Variants in GJC1 observed in about 807,000 individuals in gnomAD.
The protein encoded by GJC1 is gap junction protein gamma 1.
A neutral mutation model predicts 29.3 loss-of-function variants in GJC1; 5 were observed. The observed-to-expected ratio is 0.17, with a 90% CI of 0.09 to 0.36. The LOEUF (loss-of-function observed/expected upper bound fraction) is 0.36. Ranked by LOEUF, GJC1 falls within the 10% of genes least tolerant of loss-of-function variation. The pLI, the probability that GJC1 is intolerant of heterozygous loss-of-function variation, is 1.00. For synonymous variants in GJC1, 177 were observed against 183.3 expected (o/e 0.97, Z 0.28); for missense variants, 310 against 496.2 (o/e 0.62, Z 3.56).
chr17:44,806,124 T>C (rs2049910224), intron 2 of GJC1, among the ~76,000 whole-genome samples: 1 of 151,966 alleles, frequency 6.6e-6, no homozygotes, highest in Non-Finnish European at 1.5e-5. Flanking sequence ...AATACAAAAA[T>C]TACCCGGGCA....
At chr17:44,795,003 A>C (rs1216683940), downstream of GJC1, 3 of 152,150 alleles carry the variant, frequency 2.0e-5, no homozygotes, top group Admixed American at 2.0e-4. Context: ...CGGGAGAAAA[A>C]GTCAATTGAC....
intron 1 of GJC1, among the ~76,000 whole-genome samples, chr17:44,823,991 C>A (rs191177951): frequency 6.7e-6 from 1 of 149,728 alleles, no homozygotes; most frequent in Non-Finnish European, 1.5e-5. Flanking sequence ...GATTACAAGG[C>A]GTGAGTCACT....
At chr17:44,824,093 C>T in intron 1 of GJC1, among the ~76,000 whole-genome samples, 1 of 151,070 alleles carries the variant, frequency 6.6e-6, no homozygotes. Flanking sequence ...CTGCAACCTC[C>T]ACCTCCCGGG....
chr17:44,818,508 TA>T (rs11335815), intron 1 of GJC1, among the ~76,000 whole-genome samples: 92,768 of 144,156 alleles, frequency 0.64, 29,586 homozygotes, highest in African/African-American at 0.7. Flanking sequence ...AGTCTCATGT[TA>T]AAAAAAAAAA....
chr17:44,804,636 G>C lies in GJC1; in HGVS notation c.1182C>G (p.Val394=), dbSNP rs1012066381. The part of the protein sequence containing the change: ...SSKSGDGKTS[V]WI ...TTTAAGCCCGCCAGGATTAAATCCAGACGGAGGTCTTCCCATCCCCTGATT... is the reference window on the plus strand; with the variant it reads ...TTTAAGCCCGCCAGGATTAAATCCACACGGAGGTCTTCCCATCCCCTGATT... The change falls in exon 3 of 3, where the codon GTC becomes GTG. Residue 394 remains valine (V), a synonymous_variant. Coordinates refer to ENST00000592524, the MANE Select transcript of GJC1 (RefSeq NM_005497.4). The C allele has an allele frequency of 3.1e-6, 5 of 1,611,342 alleles. No homozygotes were observed. In the East Asian group the frequency reaches 1.1e-4, roughly 36 times the overall value.
At chr17:44,830,960 C>G, upstream of GJC1, 1 of 362,584 alleles carries the variant, frequency 2.8e-6, no homozygotes, top group Non-Finnish European at 4.9e-6. The surrounding 1 kb of genome is among the most constrained non-coding windows in gnomAD (Gnocchi z 4.3). Context: ...TTAAAATGCC[C>G]AGTAGGAAAC....
intron 2 of GJC1, among the ~76,000 whole-genome samples, chr17:44,806,682 C>T (rs1375536324): frequency 6.6e-6 from 1 of 151,978 alleles, no homozygotes; most frequent in East Asian, 1.9e-4. Context: ...AACCACCATG[C>T]CTGGCCAGAC....
chr17:44,824,875 ATT>A (rs34186851), intron 1 of GJC1, among the ~76,000 whole-genome samples: 22 of 125,844 alleles, frequency 1.7e-4, no homozygotes, highest in Non-Finnish European at 2.7e-4. Flanking sequence ...GAGTCCAACT[ATT>A]TTTTTTTTTT....
At position 44,802,825 on chromosome 17, in the gene GJC1, T is replaced by C. The variant is rs541684730; in HGVS notation, c.*1802A>G. On this transcript the variant is annotated 3_prime_UTR_variant, in exon 3 of 3. Coordinates refer to ENST00000592524, the MANE Select transcript of GJC1 (RefSeq NM_005497.4). The stretch of plus-strand genomic sequence containing the variant: ...GCCTGGGTAACATAGTGAGACCTCA[T>C]CTCTACAAAAAAAATTTTTAAAACA... 6.6e-6 allele frequency: 1 copy of C among 152,170 alleles called. No homozygotes were observed. The highest frequency in any genetic ancestry group is 1.9e-4 in the East Asian group (1 of 5,180). 9.4% of individuals were successfully genotyped at this position (152,170 alleles called of 1,614,324 possible).
At chr17:44,824,423 T>C (rs2050146290) in intron 1 of GJC1, among the ~76,000 whole-genome samples, 1 of 152,102 alleles carries the variant, frequency 6.6e-6, no homozygotes, top group African/African-American at 2.4e-5. Flanking sequence ...CTCATCCTCC[T>C]GAGTAGCTGA....
At position 44,802,144 on chromosome 17, in the gene GJC1, T is replaced by C. The variant is rs935821582; in HGVS notation, c.*2483A>G. On this transcript the variant is annotated 3_prime_UTR_variant, in exon 3 of 3. Coordinates refer to ENST00000592524, the MANE Select transcript of GJC1 (RefSeq NM_005497.4). ...TGACGCGTTATCCAGACACAAAAGA[T>C]AACATTCTCATCAAAACAGGCCAAG... The C allele has an allele frequency of 3.3e-5, 5 of 152,192 alleles. No homozygotes were observed. Among genetic ancestry groups the C allele is most frequent in the Admixed American group, 2.6e-4 (4 of 15,264 alleles). 9.4% of individuals were successfully genotyped at this position (152,192 alleles called of 1,614,324 possible).
In GJC1 at chr17:44,805,803, G is replaced by A; in HGVS notation, c.15C>T (p.Phe5=). 6.2e-7 allele frequency: 1 copy of A among 1,608,512 alleles called. No individual in the cohort carries two copies. The highest frequency in any genetic ancestry group is 8.5e-7 in the Non-Finnish European group (1 of 1,175,970). Residue 5 remains phenylalanine, a synonymous_variant, in exon 3 of 3, where the codon TTC becomes TTT. Transcript: ENST00000592524. This position sits in a 1 kb window ranked among gnomAD's most constrained non-coding sequence, Gnocchi z 5.1. ...GAATCTCCTCTAGCAGGCGAGTCAG[G>A]AAGCTCCAACTCATGGTGATTGAAT... MSWS[F]LTRLLEEIHN...
Position 44,804,616 on chromosome 17 carries a change from G to C in GJC1, c.*11C>G. On this transcript the variant is annotated 3_prime_UTR_variant, in exon 3 of 3. Transcript: ENST00000592524. ...AAACTATGAAAAGCACAGGTTTTAAGCCCGCCAGGATTAAATCCAGACGGA... is the reference window on the plus strand; with the variant it reads ...AAACTATGAAAAGCACAGGTTTTAACCCCGCCAGGATTAAATCCAGACGGA... The C allele has an allele frequency of 6.3e-7, 1 of 1,582,364 alleles. No homozygotes were observed. The highest frequency in any genetic ancestry group is 8.6e-7 in the Non-Finnish European group (1 of 1,156,312).
At chr17:44,813,539 C>T (rs1054559357) in intron 1 of GJC1, among the ~76,000 whole-genome samples, 1 of 131,588 alleles carries the variant, frequency 7.6e-6, no homozygotes, top group Non-Finnish European at 1.5e-5. Context: ...GTCGCCCAGG[C>T]TGGAGTGCAG....
chr17:44,794,292 C>T (rs563087217), downstream of GJC1: 10 of 152,252 alleles, frequency 6.6e-5, no homozygotes, highest in East Asian at 1.9e-4. Context: ...GGATCCTTGT[C>T]GACGCTTCCA....
At chr17:44,816,229 C>G (rs1425833027) in intron 1 of GJC1, among the ~76,000 whole-genome samples, 1 of 149,912 alleles carries the variant, frequency 6.7e-6, no homozygotes, top group African/African-American at 2.5e-5. Context: ...ACAAAGAAAA[C>G]CCAAATACTG....
chr17:44,819,732 G>A (rs2050087930), intron 1 of GJC1, among the ~76,000 whole-genome samples: 1 of 152,044 alleles, frequency 6.6e-6, no homozygotes, highest in Non-Finnish European at 1.5e-5. Context: ...TTTTAAGGCT[G>A]AATAATATAT....
chr17:44,816,147 TTTC>T (rs1424746587), intron 1 of GJC1, among the ~76,000 whole-genome samples: 2 of 151,324 alleles, frequency 1.3e-5, no homozygotes, highest in Non-Finnish European at 2.9e-5. Flanking sequence ...AAGTTGCTTT[TTTC>T]TAGAACGGCT....
intron 1 of GJC1, chr17:44,829,623 G>T (rs912871450): frequency 6.6e-6 from 1 of 152,100 alleles, no homozygotes; most frequent in Non-Finnish European, 1.5e-5. Context: ...ACAAAGAGCA[G>T]CCCGCGAAGA....
Sources: gnomAD v4.1 joint callset for allele counts (sites outside exome capture counted in the v4.1 genomes callset) on GRCh38, gnomAD v4.1.1 for gene constraint, Gnocchi (gnomAD v3.1) non-coding constraint, MANE v1.5 for transcripts, NCBI Gene and HGNC (gene_info 2026-07-23, HGNC 2026-07-21) for gene names.